ZNF469: variants seen among roughly 807,000 people sequenced by gnomAD.
ZNF469 encodes zinc finger protein 469.
In ZNF469, 1 loss-of-function variant was observed where a neutral mutation model predicts 1.0. The observed-to-expected ratio is 1.00, with a 90% CI of 0.35 to 4.73. The LOEUF is 4.73. Among genes scored for constraint, ZNF469 ranks in the 30% most tolerant of loss-of-function variants. The pLI is 0.16. For missense variants in ZNF469, 6,100 were observed against 5,356.3 expected (o/e 1.14, Z -4.33); for synonymous variants, 2,703 against 2,363.4 (o/e 1.14, Z -4.17).
the ZNF469 span, among the ~76,000 whole-genome samples, chr16:88,377,806 C>A: frequency 6.6e-6 from 1 of 152,216 alleles, no homozygotes; most frequent in Admixed American, 6.5e-5. Flanking sequence ...CGCTGGCCTG[C>A]AGGTGCTGTG....
the ZNF469 span, among the ~76,000 whole-genome samples, chr16:88,303,410 A>G: frequency 6.6e-6 from 1 of 152,108 alleles, no homozygotes; most frequent in Non-Finnish European, 1.5e-5. Context: ...TCCAGCCGGG[A>G]TCCCTGCCCA....
chr16:88,239,490 T>C, the ZNF469 span, among the ~76,000 whole-genome samples: 1 of 146,452 alleles, frequency 6.8e-6, no homozygotes, highest in African/African-American at 2.5e-5. Context: ...TGATGGTCTC[T>C]CTTTTTTTTT....
chr16:88,164,148 G>T, the ZNF469 span, among the ~76,000 whole-genome samples: 2 of 151,822 alleles, frequency 1.3e-5, no homozygotes, highest in Non-Finnish European at 2.9e-5. Flanking sequence ...GTGAATGGAT[G>T]GGTAGATAGA....
chr16:88,323,949 C>A, the ZNF469 span, among the ~76,000 whole-genome samples: 1 of 152,074 alleles, frequency 6.6e-6, no homozygotes, highest in East Asian at 1.9e-4. Context: ...AGAACAATCA[C>A]CCCAGAACTT....
At chr16:88,319,255 A>G in the ZNF469 span, among the ~76,000 whole-genome samples, 2 of 152,050 alleles carry the variant, frequency 1.3e-5, no homozygotes, top group Non-Finnish European at 1.5e-5. Context: ...CAGGTGGCCG[A>G]GACCTGGACA....
the ZNF469 span, among the ~76,000 whole-genome samples, chr16:88,229,832 A>C: frequency 7.2e-5 from 11 of 152,124 alleles, no homozygotes; most frequent in Non-Finnish European, 7.4e-5. Flanking sequence ...GCTGTGGTCC[A>C]GGAGCCCAGG....
the ZNF469 span, among the ~76,000 whole-genome samples, chr16:88,374,767 G>A: frequency 1.3e-5 from 2 of 151,952 alleles, no homozygotes; most frequent in African/African-American, 4.8e-5. Context: ...TGAGATCGGC[G>A]CCGTATGCCA....
chr16:88,319,170 C>G, the ZNF469 span, among the ~76,000 whole-genome samples: 17,300 of 152,154 alleles, frequency 0.11, 1,115 homozygotes, highest in East Asian at 0.19. Flanking sequence ...GGGCTCCTCA[C>G]AGACAGATGG....
chr16:88,377,253 A>G, the ZNF469 span, among the ~76,000 whole-genome samples: 4 of 152,216 alleles, frequency 2.6e-5, no homozygotes, highest in African/African-American at 9.6e-5. Context: ...GGGACTTCCC[A>G]GGGGAGGGGC....
chr16:88,226,049 G>A, the ZNF469 span, among the ~76,000 whole-genome samples: 1 of 152,146 alleles, frequency 6.6e-6, no homozygotes, highest in Non-Finnish European at 1.5e-5. Context: ...GCAGGGTGCC[G>A]TCACAGTGGC....
chr16:88,251,916 T>C, the ZNF469 span, among the ~76,000 whole-genome samples: 1 of 151,518 alleles, frequency 6.6e-6, no homozygotes, highest in African/African-American at 2.4e-5. Context: ...CTGGAGATTT[T>C]CCCTGCACCT....
At chr16:88,320,980 A>G in the ZNF469 span, among the ~76,000 whole-genome samples, 1 of 152,232 alleles carries the variant, frequency 6.6e-6, no homozygotes, top group South Asian at 2.1e-4. Context: ...GGATAGATGA[A>G]CAGGCGAATG....
chr16:88,369,098 G>T, the ZNF469 span, among the ~76,000 whole-genome samples: 12 of 151,548 alleles, frequency 7.9e-5, no homozygotes, highest in South Asian at 2.1e-4. Flanking sequence ...AAAAGCCCTG[G>T]GCGGCAGGTC....
the ZNF469 span, among the ~76,000 whole-genome samples, chr16:88,188,486 G>C: frequency 1.3e-5 from 2 of 152,308 alleles, no homozygotes; most frequent in South Asian, 2.1e-4. Flanking sequence ...TGCAGGAAGG[G>C]CGAAGTGCAG....
the ZNF469 span, among the ~76,000 whole-genome samples, chr16:88,328,966 T>C: frequency 3.7e-4 from 57 of 152,286 alleles, no homozygotes; most frequent in African/African-American, 1.4e-3. Flanking sequence ...GGGCCCTAAA[T>C]GTTCTCCACG....
At chr16:88,176,767 A>C in the ZNF469 span, among the ~76,000 whole-genome samples, 2 of 152,256 alleles carry the variant, frequency 1.3e-5, no homozygotes, top group Non-Finnish European at 2.9e-5. Flanking sequence ...ACAACCCCCA[A>C]CGCCCAGCGC....
Position 88,432,867 on chromosome 16 carries a change from T to G in ZNF469, c.5397T>G (p.Pro1799=), listed in dbSNP as rs547430660. The part of the protein sequence containing the change: ...GAPAPEAFGS[P]AVHLAPDLAF... ...CTGCTCCAGAAGCTTTTGGCAGCCCTGCTGTCCATCTGGCCCCTGACTTGG... is the reference window on the plus strand; with the variant it reads ...CTGCTCCAGAAGCTTTTGGCAGCCCGGCTGTCCATCTGGCCCCTGACTTGG... The change falls in exon 3 of 3, where the codon CCT becomes CCG. Residue 1799 remains proline (P), a synonymous_variant. Coordinates refer to ENST00000565624, the MANE Select transcript of ZNF469 (RefSeq NM_001367624.2). The G allele has an allele frequency of 2.6e-6, 4 of 1,550,276 alleles. No individual in the cohort carries two copies. The highest frequency in any genetic ancestry group is 3.5e-6 in the Non-Finnish European group (4 of 1,146,960).
rs1318995938 is a variant in ZNF469 at position 88,430,866 on chromosome 16, G to A, written c.3396G>A (p.Glu1132=). 9.1e-6 allele frequency: 14 copies of A among 1,537,106 alleles called. No individual in the cohort carries two copies. The highest frequency in any genetic ancestry group is 1.2e-5 in the Non-Finnish European group (14 of 1,146,146). ...TGGAGCTGACCCAGGGTCCCAGAGA[G>A]GATGAGCCACAGAAACCCCGGAAGG... The part of the protein sequence containing the change: ...KEVELTQGPR[E]DEPQKPRKAA... The change falls in exon 3 of 3, where the codon GAG becomes GAA. Residue 1132 remains glutamate (E), a synonymous_variant. Transcript: ENST00000565624.
the ZNF469 span, among the ~76,000 whole-genome samples, chr16:88,229,609 G>GGA: frequency 4.8e-5 from 7 of 145,058 alleles, no homozygotes; most frequent in South Asian, 2.2e-4. Flanking sequence ...TCACGCGTGT[G>GGA]TGCTGATGTC....
Sources: gnomAD v4.1 joint callset for allele counts (sites outside exome capture counted in the v4.1 genomes callset) on GRCh38, gnomAD v4.1.1 for gene constraint, MANE v1.5 for transcripts, NCBI Gene and HGNC (gene_info 2026-07-23, HGNC 2026-07-21) for gene names.